Variants in MCU observed in about 807,000 individuals in gnomAD.
MCU encodes the protein mitochondrial calcium uniporter, also known as calcium uniporter protein, mitochondrial.
In MCU, 12 loss-of-function variants were observed where a neutral mutation model predicts 45.2. That is an observed-to-expected ratio of 0.27 (90% CI 0.17 to 0.43). The LOEUF (loss-of-function observed/expected upper bound fraction) is 0.43, where lower values mean the gene tolerates loss of function less well. Ranked by LOEUF, MCU falls within the 20% of genes least tolerant of loss-of-function variation. MCU has a pLI of 1.00. For missense variants in MCU, 324 were observed against 436.7 expected (o/e 0.74, Z 2.30); for synonymous variants, 160 against 165.1 (o/e 0.97, Z 0.24).
At chr10:72,876,380 C>T (rs1444325091) in intron 6 of MCU, among the ~76,000 whole-genome samples, 1 of 152,174 alleles carries the variant, frequency 6.6e-6, no homozygotes, top group East Asian at 1.9e-4. Flanking sequence ...AACTGTGTTG[C>T]CATTCTCTTC....
chr10:72,817,946 AACTC>A (rs1299417785), intron 1 of MCU, among the ~76,000 whole-genome samples: 1 of 152,226 alleles, frequency 6.6e-6, no homozygotes, highest in Non-Finnish European at 1.5e-5. Context: ...ATCAAGTACT[AACTC>A]TAACCTCTAA....
intron 1 of MCU, among the ~76,000 whole-genome samples, chr10:72,812,344 C>T (rs925224926): frequency 1.3e-5 from 2 of 151,996 alleles, no homozygotes; most frequent in African/African-American, 4.8e-5. Flanking sequence ...CGGGGTTTCA[C>T]CATGTTGGCC....
At chr10:72,824,150 G>A (rs924556235) in intron 1 of MCU, among the ~76,000 whole-genome samples, 1 of 151,702 alleles carries the variant, frequency 6.6e-6, no homozygotes, top group Admixed American at 6.6e-5. Context: ...GATACAATCT[G>A]GAAGGAATGA....
intron 3 of MCU, 94 bp downstream of exon 3, chr10:72,859,441 A>G: frequency 8.1e-7 from 1 of 1,229,048 alleles, no homozygotes; most frequent in Non-Finnish European, 1.1e-6. Context: ...TAGCTACAAA[A>G]GAACCCTATA....
intron 2 of MCU, among the ~76,000 whole-genome samples, chr10:72,834,888 G>A (rs952772441): frequency 6.6e-6 from 1 of 152,144 alleles, no homozygotes; most frequent in Non-Finnish European, 1.5e-5. Context: ...TCGAACCCAC[G>A]TGATCCGCCC....
At chr10:72,844,404 A>G (rs986154920) in intron 2 of MCU, among the ~76,000 whole-genome samples, 1 of 151,904 alleles carries the variant, frequency 6.6e-6, no homozygotes, top group Non-Finnish European at 1.5e-5. Flanking sequence ...ATGTAAAAAA[A>G]TAGAAATACA....
intron 2 of MCU, among the ~76,000 whole-genome samples, chr10:72,834,841 G>A (rs1162197612): frequency 1.3e-5 from 2 of 152,030 alleles, no homozygotes; most frequent in African/African-American, 2.4e-5. Flanking sequence ...TGTATTTTTT[G>A]TAGAGACAGG....
intron 1 of MCU, among the ~76,000 whole-genome samples, chr10:72,822,804 A>C (rs1345749567): frequency 6.6e-6 from 1 of 152,088 alleles, no homozygotes; most frequent in Non-Finnish European, 1.5e-5. Context: ...CTGTGCCACC[A>C]TACTCAGCCT....
intron 1 of MCU, among the ~76,000 whole-genome samples, chr10:72,800,006 C>T (rs1202262764): frequency 1.3e-5 from 2 of 152,130 alleles, no homozygotes; most frequent in Non-Finnish European, 2.9e-5. Context: ...CTGAAATGCT[C>T]CAAAATCCAA....
intron 1 of MCU, among the ~76,000 whole-genome samples, chr10:72,706,286 C>T (rs573197230): frequency 6.6e-6 from 1 of 151,200 alleles, no homozygotes. Context: ...TTGTAGCAGC[C>T]TTCCCCTGTA....
At chr10:72,728,576 G>A (rs1378145274) in intron 1 of MCU, among the ~76,000 whole-genome samples, 2 of 152,184 alleles carry the variant, frequency 1.3e-5, no homozygotes, top group African/African-American at 4.8e-5. Context: ...CCTGGTTTGA[G>A]ATGGGGGTGG....
chr10:72,862,256 C>T (rs373103520), intron 4 of MCU, among the ~76,000 whole-genome samples: 2 of 152,208 alleles, frequency 1.3e-5, no homozygotes, highest in African/African-American at 4.8e-5. Context: ...GCTGGGATTA[C>T]AGGCGTGAGC....
At chr10:72,706,379 CA>C (rs1842820010) in intron 1 of MCU, among the ~76,000 whole-genome samples, 1 of 152,040 alleles carries the variant, frequency 6.6e-6, no homozygotes, top group Non-Finnish European at 1.5e-5. Context: ...TAACTGAAAA[CA>C]AATTATTTGG....
intron 1 of MCU, among the ~76,000 whole-genome samples, chr10:72,788,200 A>G (rs924223674): frequency 6.6e-6 from 1 of 152,262 alleles, no homozygotes; most frequent in Admixed American, 6.5e-5. Context: ...CCTTATCCAA[A>G]TAAGTAGCTG....
At chr10:72,731,939 T>A (rs1229281163) in intron 1 of MCU, among the ~76,000 whole-genome samples, 1 of 152,234 alleles carries the variant, frequency 6.6e-6, no homozygotes, top group Non-Finnish European at 1.5e-5. Flanking sequence ...CAAATATTTT[T>A]ATTTCTCTTG....
At chr10:72,786,093 C>G (rs1325242783) in intron 1 of MCU, among the ~76,000 whole-genome samples, 1 of 151,964 alleles carries the variant, frequency 6.6e-6, no homozygotes, top group African/African-American at 2.4e-5. Flanking sequence ...CATAAAGGAA[C>G]GATTTGCTGT....
At chr10:72,792,964 C>T (rs903202838) in intron 1 of MCU, among the ~76,000 whole-genome samples, 1 of 151,870 alleles carries the variant, frequency 6.6e-6, no homozygotes, top group Non-Finnish European at 1.5e-5. Flanking sequence ...CTGCAACCTC[C>T]GCTTCCTGGG....
At chr10:72,785,129 A>G (rs1844053084) in intron 1 of MCU, among the ~76,000 whole-genome samples, 1 of 152,192 alleles carries the variant, frequency 6.6e-6, no homozygotes, top group Non-Finnish European at 1.5e-5. Context: ...AATCTCCCAC[A>G]TTTCCACATA....
intron 1 of MCU, among the ~76,000 whole-genome samples, chr10:72,719,513 C>T (rs773766150): frequency 2.0e-5 from 3 of 152,138 alleles, no homozygotes; most frequent in South Asian, 2.1e-4. Context: ...CATGTGTTTA[C>T]GAGTGCTGGT....
Sources: gnomAD v4.1 joint callset for allele counts (sites outside exome capture counted in the v4.1 genomes callset) on GRCh38, gnomAD v4.1.1 for gene constraint, MANE v1.5 for transcripts, NCBI Gene and HGNC (gene_info 2026-07-23, HGNC 2026-07-21) for gene names.